The following PAK5 variants were observed in gnomAD, a reference collection of about 807,000 sequenced individuals.
The protein encoded by PAK5 is p21 (RAC1) activated kinase 5.
PAK5 carries 16 observed loss-of-function variants against 65.9 expected under a neutral mutation model. The ratio of observed to expected loss-of-function variants is 0.24; its 90% CI spans 0.16 to 0.37. PAK5 has a LOEUF of 0.37. Among genes scored for constraint, PAK5 ranks in the 10% least tolerant of loss-of-function variants. The pLI is 1.00. For synonymous variants in PAK5, 371 were observed against 354.9 expected, an observed-to-expected ratio of 1.05 and a Z score of -0.51; for missense variants, 785 against 903.9, an observed-to-expected ratio of 0.87 and a Z score of 1.69.
intron 2 of PAK5, among the ~76,000 whole-genome samples, chr20:9,683,405 T>C (rs2047676181): frequency 6.6e-6 from 1 of 152,228 alleles, no homozygotes; most frequent in Non-Finnish European, 1.5e-5. Flanking sequence ...GCAGCTGCAA[T>C]GTAATTTCCA....
chr20:9,625,131 C>G (rs1247137195), intron 3 of PAK5, among the ~76,000 whole-genome samples: 1 of 152,118 alleles, frequency 6.6e-6, no homozygotes, highest in Non-Finnish European at 1.5e-5. Flanking sequence ...CCACCACCAC[C>G]ACTTCCACCA....
chr20:9,724,889 C>T (rs559597307), intron 1 of PAK5, among the ~76,000 whole-genome samples: 3 of 152,146 alleles, frequency 2.0e-5, no homozygotes, highest in Non-Finnish European at 4.4e-5. Context: ...GTTAAAATAA[C>T]TAAGAGTATA....
At chr20:9,785,984 G>C (rs1307622246) in intron 1 of PAK5, among the ~76,000 whole-genome samples, 1 of 152,028 alleles carries the variant, frequency 6.6e-6, no homozygotes, top group African/African-American at 2.4e-5. Context: ...CACTGCTCTA[G>C]GGGGCTTCAC....
intron 1 of PAK5, among the ~76,000 whole-genome samples, chr20:9,716,301 G>C (rs145212826): frequency 6.6e-6 from 1 of 152,144 alleles, no homozygotes; most frequent in Non-Finnish European, 1.5e-5. Flanking sequence ...TTCAAAATAG[G>C]CTAAAATATA....
At chr20:9,551,410 C>A (rs781749149) in intron 7 of PAK5, among the ~76,000 whole-genome samples, 3 of 152,106 alleles carry the variant, frequency 2.0e-5, no homozygotes, top group Admixed American at 2.0e-4. Flanking sequence ...ACACAAGGAA[C>A]TTTAGTTTAG....
intron 3 of PAK5, among the ~76,000 whole-genome samples, chr20:9,634,196 G>C (rs2046956600): frequency 6.6e-6 from 1 of 152,134 alleles, no homozygotes; most frequent in Non-Finnish European, 1.5e-5. Flanking sequence ...TTCTCTGCTG[G>C]TTCCAGGGAG....
intron 3 of PAK5, among the ~76,000 whole-genome samples, chr20:9,632,180 A>G (rs1400801975): frequency 1.3e-5 from 2 of 152,182 alleles, no homozygotes; most frequent in Non-Finnish European, 2.9e-5. Context: ...ATCATTTCAC[A>G]TTATATAGAA....
intron 3 of PAK5, among the ~76,000 whole-genome samples, chr20:9,600,240 T>A (rs1236957745): frequency 6.6e-6 from 1 of 152,232 alleles, no homozygotes; most frequent in Non-Finnish European, 1.5e-5. Flanking sequence ...AATATTATTT[T>A]GGTTTTAATT....
At chr20:9,659,166 TC>T (rs1217599430) in intron 2 of PAK5, among the ~76,000 whole-genome samples, 1 of 152,146 alleles carries the variant, frequency 6.6e-6, no homozygotes, top group Non-Finnish European at 1.5e-5. Context: ...CAGCTGGCAA[TC>T]AAAATGAGAT....
intron 1 of PAK5, among the ~76,000 whole-genome samples, chr20:9,783,141 G>C (rs888672493): frequency 6.6e-6 from 1 of 151,878 alleles, no homozygotes; most frequent in African/African-American, 2.4e-5. Flanking sequence ...TCTCCATCTT[G>C]GTCAGGCTGG....
chr20:9,825,799 C>T (rs144908261), intron 1 of PAK5, among the ~76,000 whole-genome samples: 345 of 151,854 alleles, frequency 2.3e-3, no homozygotes, highest in Non-Finnish European at 2.8e-3. Flanking sequence ...ATGTCATTTG[C>T]GTTATATTTA....
intron 3 of PAK5, among the ~76,000 whole-genome samples, chr20:9,640,051 T>C (rs968606696): frequency 6.6e-6 from 1 of 152,162 alleles, no homozygotes; most frequent in Non-Finnish European, 1.5e-5. Context: ...TCAGCTAGAA[T>C]GTTTATTATT....
At chr20:9,687,103 T>C (rs1426251397) in intron 2 of PAK5, among the ~76,000 whole-genome samples, 1 of 152,200 alleles carries the variant, frequency 6.6e-6, no homozygotes, top group Non-Finnish European at 1.5e-5. Context: ...GTTAGTTCAC[T>C]GAAACCTCCA....
At position 9,735,583 on chromosome 20, in the gene PAK5, A is replaced by G. The variant is rs2048379267; in HGVS notation, c.-161-24148T>C. Among the ~76,000 whole-genome samples the G allele has an allele frequency of 2.6e-5, 4 of 152,198 alleles. No homozygotes were observed. In the South Asian group the frequency reaches 8.3e-4, roughly 31 times the overall value. On this transcript the variant is annotated intron_variant, in intron 1 of 9. Transcript: ENST00000353224. ...AAATAGATGGGAATAATTACCCCAGATTGAGCGCTGCCCTAGTTGCACTGA... is the reference window on the plus strand; with the variant it reads ...AAATAGATGGGAATAATTACCCCAGGTTGAGCGCTGCCCTAGTTGCACTGA...
chr20:9,832,326 G>A lies in PAK5; in HGVS notation c.-162+6436C>T, dbSNP rs117430791. On this transcript the variant is annotated intron_variant, in intron 1 of 9. Transcript: ENST00000353224. ...ATCACTCTGTCACCAAGCCTGGAGT[G>A]CAGTAACGCGATCTCGGCTTACTGC... Among the ~76,000 whole-genome samples the A allele has an allele frequency of 8.9e-3, 1,347 of 152,142 alleles. 12 individuals are homozygous for A. The highest frequency in any genetic ancestry group is 0.014 in the Non-Finnish European group (951 of 68,004).
At chr20:9,713,872 A>G (rs1033725673) in intron 1 of PAK5, among the ~76,000 whole-genome samples, 18 of 152,030 alleles carry the variant, frequency 1.2e-4, no homozygotes, top group African/African-American at 3.9e-4. Flanking sequence ...GGAGCAAGAG[A>G]AATGAAGAGA....
intron 2 of PAK5, among the ~76,000 whole-genome samples, chr20:9,696,530 A>C (rs912307049): frequency 8.5e-5 from 13 of 152,116 alleles, no homozygotes; most frequent in Admixed American, 3.3e-4. Context: ...TCCAAATAGG[A>C]CTGCCCATGG....
chr20:9,611,395 A>G (rs1402659827), intron 3 of PAK5, among the ~76,000 whole-genome samples: 2 of 152,014 alleles, frequency 1.3e-5, no homozygotes, highest in African/African-American at 4.8e-5. Context: ...TTATCAGAGA[A>G]GAGATGGTAC....
At chr20:9,750,757 T>C (rs764007740) in intron 1 of PAK5, among the ~76,000 whole-genome samples, 6 of 152,124 alleles carry the variant, frequency 3.9e-5, no homozygotes, top group Non-Finnish European at 7.4e-5. Flanking sequence ...GATACATATG[T>C]GCTATTAAGG....
Sources: allele counts gnomAD v4.1 joint callset (sites outside exome capture counted in the v4.1 genomes callset), GRCh38; gene constraint gnomAD v4.1.1; transcripts MANE v1.5; gene names NCBI Gene and HGNC (gene_info 2026-07-23, HGNC 2026-07-21).